The following WWP1 variants were observed in gnomAD, a reference collection of about 807,000 sequenced individuals.
WWP1 encodes the protein WW domain containing E3 ubiquitin protein ligase 1.
WWP1 carries 49 observed loss-of-function variants against 130.6 expected under a neutral mutation model. The observed-to-expected ratio is 0.38, with a 90% CI of 0.30 to 0.48. The LOEUF is 0.48. Ranked by LOEUF, WWP1 falls within the 20% of genes least tolerant of loss-of-function variation. WWP1 has a pLI of 0.99. For synonymous variants in WWP1, 332 were observed against 367.8 expected, an observed-to-expected ratio of 0.90 and a Z score of 1.11; for missense variants, 809 against 1,100.6, an observed-to-expected ratio of 0.74 and a Z score of 3.75.
intron 8 of WWP1, among the ~76,000 whole-genome samples, chr8:86,407,191 C>T (rs566259546): frequency 6.6e-6 from 1 of 152,190 alleles, no homozygotes; most frequent in East Asian, 1.9e-4. Flanking sequence ...AATTTTTTGC[C>T]CCGTGTTTCT....
At chr8:86,354,694 T>C (rs1823152296) in intron 1 of WWP1, among the ~76,000 whole-genome samples, 1 of 152,200 alleles carries the variant, frequency 6.6e-6, no homozygotes, top group Non-Finnish European at 1.5e-5. Context: ...CCTTTCAAGT[T>C]CTTAAATGTA....
At chr8:86,371,238 T>C (rs1824280524) in intron 2 of WWP1, among the ~76,000 whole-genome samples, 1 of 152,124 alleles carries the variant, frequency 6.6e-6, no homozygotes, top group Non-Finnish European at 1.5e-5. Context: ...CTCCATTGTA[T>C]GAGTTAGGCT....
intron 10 of WWP1, 137 bp from the exon 11 acceptor site, chr8:86,427,501 GTAAAA>G: frequency 1.2e-6 from 1 of 846,412 alleles, no homozygotes; most frequent in African/African-American, 1.7e-5. Context: ...GGTAATTTAG[GTAAAA>G]TAAATAGTTC....
intron 8 of WWP1, among the ~76,000 whole-genome samples, chr8:86,409,246 T>C (rs1447333524): frequency 6.9e-6 from 1 of 144,282 alleles, no homozygotes; most frequent in Non-Finnish European, 1.5e-5. Context: ...TTTTTTTTTT[T>C]TTCTTCAGAC....
chr8:86,421,949 CT>C (rs1426292550), intron 9 of WWP1, among the ~76,000 whole-genome samples: 2 of 151,922 alleles, frequency 1.3e-5, no homozygotes, highest in South Asian at 2.1e-4. Flanking sequence ...GTGCTGGATT[CT>C]TTATGGGAGA....
chr8:86,380,984 C>T, intron 4 of WWP1, 120 bp downstream of exon 4: 1 of 1,224,310 alleles, frequency 8.2e-7, no homozygotes, highest in Non-Finnish European at 1.1e-6. Flanking sequence ...TGTGGATCGA[C>T]AATTTAAAGT....
rs770487977 is a variant in WWP1, at chr8:86,398,392, A to G, written c.385A>G (p.Ile129Val). The change falls in exon 6 of 25, where the codon ATA becomes GTA. Residue 129 changes from isoleucine (I) to valine (V), a missense_variant. Ile to Val is a conservative substitution (Grantham distance 29). This residue lies in a region of WWP1 where 262 missense variants were observed against 346.0 expected (regional missense o/e 0.76). Transcript: ENST00000517970. Reference protein sequence around the residue: ...LKLSLENKNGIAQTGELTVVL... With the variant: ...LKLSLENKNGVAQTGELTVVL... ...ACTTTCCTTGGAAAACAAGAATGGC[A>G]TAGCACAAACTGGTGAATTGACAGT... 8.7e-6 allele frequency: 14 copies of G among 1,610,934 alleles called. No homozygotes were observed. The highest frequency in any genetic ancestry group is 1.7e-5 in the Admixed American group (1 of 59,890).
chr8:86,367,241 T>A (rs1025252782), intron 1 of WWP1, among the ~76,000 whole-genome samples: 2 of 152,224 alleles, frequency 1.3e-5, no homozygotes, highest in African/African-American at 4.8e-5. Context: ...ATCCTTGCCA[T>A]ACCCACTTTA....
intron 21 of WWP1, among the ~76,000 whole-genome samples, chr8:86,457,618 C>G (rs1301282699): frequency 1.3e-5 from 2 of 151,760 alleles, no homozygotes; most frequent in African/African-American, 4.8e-5. Context: ...CACACACACA[C>G]CATACCATAT....
chr8:86,362,771 G>A (rs1307755038), intron 1 of WWP1, among the ~76,000 whole-genome samples: 1 of 152,062 alleles, frequency 6.6e-6, no homozygotes. Context: ...AGACAAGATC[G>A]AGTGTAGTGT....
chr8:86,357,894 A>G (rs1823351948), intron 1 of WWP1, among the ~76,000 whole-genome samples: 1 of 152,324 alleles, frequency 6.6e-6, no homozygotes, highest in African/African-American at 2.4e-5. Flanking sequence ...TGGCTGTTAC[A>G]GTACCAGTGG....
At chr8:86,395,056 A>G (rs1029412605) in intron 5 of WWP1, among the ~76,000 whole-genome samples, 1 of 152,078 alleles carries the variant, frequency 6.6e-6, no homozygotes, top group African/African-American at 2.4e-5. Context: ...GCTTTTGGCT[A>G]ATAGCCAGAG....
At chr8:86,402,550 C>T (rs905221923) in intron 8 of WWP1, among the ~76,000 whole-genome samples, 9 of 152,148 alleles carry the variant, frequency 5.9e-5, no homozygotes, top group African/African-American at 2.2e-4. Flanking sequence ...CCTCAGCCTC[C>T]CTAAAGTGTT....
chr8:86,349,651 G>A (rs1822801406), intron 1 of WWP1, among the ~76,000 whole-genome samples: 1 of 152,044 alleles, frequency 6.6e-6, no homozygotes, highest in South Asian at 2.1e-4. Context: ...GGCTTACTAC[G>A]CAAATGGGAA....
At chr8:86,444,399 A>T (rs540264609) in intron 18 of WWP1, among the ~76,000 whole-genome samples, 5 of 152,318 alleles carry the variant, frequency 3.3e-5, no homozygotes, top group South Asian at 4.1e-4. Context: ...CAATGAAAGG[A>T]TATTTAGTTT....
intron 14 of WWP1, among the ~76,000 whole-genome samples, chr8:86,433,846 AG>A (rs1239767662): frequency 3.9e-5 from 6 of 152,082 alleles, no homozygotes; most frequent in African/African-American, 1.4e-4. Flanking sequence ...TGAACCCAGG[AG>A]GCAGAGGTTG....
intron 9 of WWP1, among the ~76,000 whole-genome samples, chr8:86,415,807 A>T (rs949543844): frequency 6.6e-6 from 1 of 152,134 alleles, no homozygotes; most frequent in African/African-American, 2.4e-5. Context: ...TTTTTCTAGC[A>T]CTTAAATTAT....
intron 23 of WWP1, 60 bp downstream of exon 23, chr8:86,461,380 G>T: frequency 7.2e-7 from 1 of 1,386,596 alleles, no homozygotes; most frequent in Non-Finnish European, 1.0e-6. Context: ...ATGGCCTTTG[G>T]ACATACAATA....
chr8:86,463,305 G>T (rs1034800633), intron 24 of WWP1, among the ~76,000 whole-genome samples: 5 of 152,034 alleles, frequency 3.3e-5, no homozygotes, highest in African/African-American at 1.2e-4. Context: ...GGGGTTTTTT[G>T]TTTGTTTTTT....
Sources: gnomAD v4.1 joint callset for allele counts (sites outside exome capture counted in the v4.1 genomes callset) on GRCh38, gnomAD v4.1.1 for gene constraint, gnomAD v4.1.1 regional missense constraint, MANE v1.5 for transcripts, NCBI Gene and HGNC (gene_info 2026-07-23, HGNC 2026-07-21) for gene names.